Variants in ZNF98 observed in about 807,000 individuals in gnomAD.
ZNF98 encodes the protein zinc finger protein 739.
In ZNF98, 8 loss-of-function variants were observed where a neutral mutation model predicts 12.8. The ratio of observed to expected loss-of-function variants is 0.63; its 90% CI spans 0.37 to 1.13. The LOEUF (loss-of-function observed/expected upper bound fraction) is 1.13, where lower values mean the gene tolerates loss of function less well. Ranked by LOEUF, ZNF98 falls within the 50% of genes most tolerant of loss-of-function variation. ZNF98 has a pLI of 0.01. For synonymous variants in ZNF98, 112 were observed against 223.5 expected, an observed-to-expected ratio of 0.50 and a Z score of 4.45; for missense variants, 379 against 666.1, an observed-to-expected ratio of 0.57 and a Z score of 4.74.
At chr19:22,419,448 G>A (rs1479206035) in intron 1 of ZNF98, among the ~76,000 whole-genome samples, 1 of 151,958 alleles carries the variant, frequency 6.6e-6, no homozygotes, top group Non-Finnish European at 1.5e-5. Context: ...AAAACTAATT[G>A]GGCCGTTAAT....
At chr19:22,404,727 C>T (rs1335205167) in intron 1 of ZNF98, among the ~76,000 whole-genome samples, 1 of 152,154 alleles carries the variant, frequency 6.6e-6, no homozygotes, top group Non-Finnish European at 1.5e-5. Context: ...CTGATATCTG[C>T]CATGTTCTGT....
rs550374509 is a variant in ZNF98 at position 22,407,441 on chromosome 19, CG to C, written c.31-3930del. 1.0e-4 allele frequency among the ~76,000 whole-genome samples: 15 copies of C among 146,624 alleles called. No individual in the cohort carries two copies. In the South Asian group the frequency reaches 3.3e-3, roughly 32 times the overall value. On this transcript the variant is annotated intron_variant, in intron 1 of 3. Coordinates refer to ENST00000357774, the MANE Select transcript of ZNF98 (RefSeq NM_001098626.2). Reference sequence around the variant, plus strand: ...GGGTTTTTCATTTCTCGGCTGGGCACGGTGGCTCACGCCTGTAATCCCAGCA... The same window carrying C: ...GGGTTTTTCATTTCTCGGCTGGGCACGTGGCTCACGCCTGTAATCCCAGCA...
Position 22,422,312 on chromosome 19 carries a change from G to A in ZNF98, c.-88C>T. The A allele has an allele frequency of 6.6e-7, 1 of 1,524,930 alleles. No homozygotes were observed. The highest frequency in any genetic ancestry group is 9.1e-7 in the Non-Finnish European group (1 of 1,103,294). The allele number at this position is 1,524,930 out of a possible 1,614,324, so 94.5% of individuals were successfully genotyped here. On this transcript the variant is annotated 5_prime_UTR_variant, in exon 1 of 4. Transcript: ENST00000357774. ...AGAGGACACAGAAGGGCGAAGACGAGACCAGGAACTCCGGCTGCAGCGAGA... is the reference window on the plus strand; with the variant it reads ...AGAGGACACAGAAGGGCGAAGACGAAACCAGGAACTCCGGCTGCAGCGAGA...
intron 1 of ZNF98, 141 bp downstream of exon 1, chr19:22,422,054 G>A (rs1166919354): frequency 5.5e-6 from 6 of 1,098,766 alleles, no homozygotes; most frequent in South Asian, 3.8e-5. Flanking sequence ...GAAGGGGACT[G>A]AGGCCGAGCT....
At chr19:22,414,817 C>A (rs370474376) in intron 1 of ZNF98, among the ~76,000 whole-genome samples, 1 of 151,800 alleles carries the variant, frequency 6.6e-6, no homozygotes, top group Non-Finnish European at 1.5e-5. Flanking sequence ...GACACAGAAG[C>A]CGGCAAAAAT....
chr19:22,394,921 T>G (rs1353159003), intron 3 of ZNF98, among the ~76,000 whole-genome samples: 2 of 152,096 alleles, frequency 1.3e-5, no homozygotes, highest in African/African-American at 4.8e-5. Context: ...CCTGTAATCC[T>G]AGCACTTTGG....
chr19:22,421,555 T>G (rs1969703962), intron 1 of ZNF98, among the ~76,000 whole-genome samples: 1 of 152,180 alleles, frequency 6.6e-6, no homozygotes, highest in Non-Finnish European at 1.5e-5. Flanking sequence ...AATGATAAAC[T>G]GCCAAGTAAG....
At chr19:22,407,669 G>A (rs1247487832) in intron 1 of ZNF98, among the ~76,000 whole-genome samples, 2 of 151,616 alleles carry the variant, frequency 1.3e-5, no homozygotes, top group African/African-American at 2.4e-5. Context: ...CCGAGATAAT[G>A]CCACTATACT....
At chr19:22,404,934 C>A (rs934395956) in intron 1 of ZNF98, among the ~76,000 whole-genome samples, 2 of 152,102 alleles carry the variant, frequency 1.3e-5, no homozygotes, top group Non-Finnish European at 2.9e-5. Context: ...ATCTTTACTA[C>A]GGACTCCAGC....
At chr19:22,417,258 TTAAGTAA>T (rs1969655701) in intron 1 of ZNF98, among the ~76,000 whole-genome samples, 1 of 90,174 alleles carries the variant, frequency 1.1e-5, no homozygotes, top group Non-Finnish European at 2.3e-5. Flanking sequence ...AAAAAAAAAA[TTAAGTAA>T]GAGCTGAATA....
intron 3 of ZNF98, chr19:22,402,342 G>A: frequency 2.6e-6 from 1 of 377,404 alleles, no homozygotes; most frequent in Non-Finnish European, 4.7e-6. Flanking sequence ...AAGACAGAAT[G>A]CAATGTGCAG....
rs775083129 is a variant in ZNF98, at chr19:22,422,234, G to A, written c.-10C>T. On this transcript the variant is annotated 5_prime_UTR_variant, in exon 1 of 4. Transcript: ENST00000357774. ...CAAGGGGTCCTGGCATCTTAGCTGT[G>A]GATTCCCAATACCTGCAGGTCACAG... The A allele has an allele frequency of 6.2e-7, 1 of 1,612,054 alleles. No homozygotes were observed. The highest frequency in any genetic ancestry group is 8.5e-7 in the Non-Finnish European group (1 of 1,178,656).
In ZNF98 at chr19:22,422,227, T is replaced by G; in HGVS notation, c.-3A>C. The G allele has an allele frequency of 6.2e-7, 1 of 1,612,230 alleles. No individual in the cohort carries two copies. Reference sequence around the variant, plus strand: ...AGGCTTCCAAGGGGTCCTGGCATCTTAGCTGTGGATTCCCAATACCTGCAG... The same window carrying G: ...AGGCTTCCAAGGGGTCCTGGCATCTGAGCTGTGGATTCCCAATACCTGCAG... On this transcript the variant is annotated 5_prime_UTR_variant, in exon 1 of 4. Coordinates refer to ENST00000357774, the MANE Select transcript of ZNF98 (RefSeq NM_001098626.2).
At chr19:22,407,109 T>C (rs1349022024) in intron 1 of ZNF98, among the ~76,000 whole-genome samples, 1 of 151,608 alleles carries the variant, frequency 6.6e-6, no homozygotes, top group African/African-American at 2.4e-5. Context: ...CAGGCTGGAG[T>C]GCAGTGGCGC....
intron 3 of ZNF98, among the ~76,000 whole-genome samples, chr19:22,400,310 A>G (rs1193324699): frequency 1.3e-5 from 2 of 152,170 alleles, no homozygotes; most frequent in Non-Finnish European, 2.9e-5. Context: ...AGTTCTGCCT[A>G]TGTAGAAACC....
At chr19:22,397,054 G>A (rs1389761888) in intron 3 of ZNF98, among the ~76,000 whole-genome samples, 2 of 151,272 alleles carry the variant, frequency 1.3e-5, no homozygotes, top group Non-Finnish European at 2.9e-5. Context: ...AGGAGGCAGA[G>A]GTTGCAGTGA....
Position 22,422,084 on chromosome 19 carries a change from C to T in ZNF98, c.30+111G>A, listed in dbSNP as rs921319653. 3.7e-6 allele frequency: 5 copies of T among 1,367,772 alleles called. No individual in the cohort carries two copies. The African/African-American group carries it at 4.3e-5, about 12-fold the overall frequency. The allele number at this position is 1,367,772 out of a possible 1,614,324, so 84.7% of individuals were successfully genotyped here. A position where few individuals can be genotyped will look rare whatever the true frequency, so the allele number is the denominator to read the frequency against. On this transcript the variant is annotated intron_variant, in intron 1 of 3. Coordinates refer to ENST00000357774, the MANE Select transcript of ZNF98 (RefSeq NM_001098626.2). ...CGAGCTAGGCAAGGAGAACTAGGGG[C>T]ACGGATTGTGGAGCTGACAGCGGGG...
intron 1 of ZNF98, among the ~76,000 whole-genome samples, chr19:22,411,189 T>A (rs1444915145): frequency 6.6e-6 from 1 of 151,818 alleles, no homozygotes. Flanking sequence ...ACTACAGGCA[T>A]GCGCCACCAT....
chr19:22,396,884 G>A (rs1599384207), intron 3 of ZNF98, among the ~76,000 whole-genome samples: 1 of 152,174 alleles, frequency 6.6e-6, no homozygotes, highest in East Asian at 1.9e-4. Context: ...ACTTTGGGAG[G>A]CTGAGGCAGG....
Sources: allele counts gnomAD v4.1 joint callset (sites outside exome capture counted in the v4.1 genomes callset), GRCh38; gene constraint gnomAD v4.1.1; transcripts MANE v1.5; gene names NCBI Gene and HGNC (gene_info 2026-07-23, HGNC 2026-07-21).